The following CACNA2D1 variants were observed in gnomAD, a reference collection of about 807,000 sequenced individuals.
CACNA2D1 encodes voltage-dependent calcium channel subunit alpha-2/delta-1.
In CACNA2D1, 53 loss-of-function variants were observed where a neutral mutation model predicts 171.5. The ratio of observed to expected loss-of-function variants is 0.31; its 90% CI spans 0.25 to 0.39. The LOEUF is 0.39. Among genes scored for constraint, CACNA2D1 ranks in the 10% least tolerant of loss-of-function variants. The pLI is 1.00. For synonymous variants in CACNA2D1, 442 were observed against 443.1 expected, an observed-to-expected ratio of 1.00 and a Z score of 0.03; for missense variants, 903 against 1,299.8, an observed-to-expected ratio of 0.69 and a Z score of 4.69.
chr7:82,438,391 A>C (rs1272956131), intron 1 of CACNA2D1, among the ~76,000 whole-genome samples: 1 of 152,208 alleles, frequency 6.6e-6, no homozygotes, highest in Non-Finnish European at 1.5e-5. Context: ...ATAGTGACAC[A>C]AACTAGGAAA....
chr7:82,053,251 CAA>C (rs4019049), intron 10 of CACNA2D1, among the ~76,000 whole-genome samples: 2 of 115,802 alleles, frequency 1.7e-5, no homozygotes, highest in Admixed American at 9.4e-5. Context: ...GACTCCGTCT[CAA>C]AAAAAAAAAA....
intron 4 of CACNA2D1, among the ~76,000 whole-genome samples, chr7:82,147,699 C>G (rs996438): frequency 6.6e-6 from 1 of 151,886 alleles, no homozygotes; most frequent in Non-Finnish European, 1.5e-5. Context: ...AGCCCTTCCT[C>G]TCCAGATTAA....
chr7:81,997,334 A>C, intron 18 of CACNA2D1, 84 bp from the exon 19 acceptor site: 3 of 870,494 alleles, frequency 3.4e-6, no homozygotes, highest in Non-Finnish European at 5.9e-6. Context: ...GTATTTATGA[A>C]ATTGTGCAAA....
chr7:81,966,650 A>G (rs2130355248), intron 31 of CACNA2D1, among the ~76,000 whole-genome samples: 1 of 151,368 alleles, frequency 6.6e-6, no homozygotes, highest in Non-Finnish European at 1.5e-5. Context: ...TCCTTTTTCA[A>G]TTTCTCAAAC....
intron 3 of CACNA2D1, among the ~76,000 whole-genome samples, chr7:82,269,044 T>G (rs1428550753): frequency 1.3e-5 from 2 of 152,214 alleles, no homozygotes; most frequent in African/African-American, 4.8e-5. Context: ...TATGCAAACC[T>G]GAAACCTAGA....
intron 1 of CACNA2D1, among the ~76,000 whole-genome samples, chr7:82,360,450 T>C (rs1820967183): frequency 6.6e-6 from 1 of 152,138 alleles, no homozygotes; most frequent in Non-Finnish European, 1.5e-5. Context: ...CATCAGTATT[T>C]TCAAATTAAA....
intron 6 of CACNA2D1, among the ~76,000 whole-genome samples, chr7:82,094,282 T>A (rs555895187): frequency 5.8e-4 from 89 of 152,156 alleles, no homozygotes; most frequent in African/African-American, 2.1e-3. Context: ...GAACTACAGA[T>A]TAATACCGAA....
In CACNA2D1 at chr7:82,278,557, T is replaced by TAAAAAA. The variant is rs59630150; in HGVS notation, c.294+56572_294+56577dup. Among the ~76,000 whole-genome samples the TAAAAAA allele has an allele frequency of 1.7e-3, 185 of 107,758 alleles. 1 individual carries two copies. The highest frequency in any genetic ancestry group is 2.9e-3 in the Non-Finnish European group (157 of 53,864). The allele number at this position is 107,758 out of a possible 152,430, so 70.7% of individuals were successfully genotyped here. ...TGAGAGACAGAGTGAGACTCTGTCT[T>TAAAAAA]AAAAAAAAAAAAAAAAAAAAAAAAT... On this transcript the variant is annotated intron_variant, in intron 3 of 38. Transcript: ENST00000356860.
intron 26 of CACNA2D1, 98 bp from the exon 27 acceptor site, chr7:81,970,835 A>G (rs1252823781): frequency 1.3e-6 from 1 of 772,260 alleles, no homozygotes; most frequent in Non-Finnish European, 2.4e-6. Context: ...TTTAGGAAGT[A>G]AAGGAAATAT....
Position 82,418,950 on chromosome 7 carries a change from C to CA in CACNA2D1, c.95+24414dup, listed in dbSNP as rs557438408. On this transcript the variant is annotated intron_variant, in intron 1 of 38. Transcript: ENST00000356860. ...TGAAACCCCGTCTCTACTAAAAATA[C>CA]AAAAAAAAAATTAGCTGGGCGCGGT... Among the ~76,000 whole-genome samples, 361 of 148,210 alleles carry CA rather than the reference C, an allele frequency of 2.4e-3. 4 individuals carry two copies. Among genetic ancestry groups the CA allele is most frequent in the Middle Eastern group, 6.9e-3 (2 of 290 alleles).
At chr7:82,186,235 GAAGGAAGGAAGGAAGGAAGA>G (rs1314424136) in intron 3 of CACNA2D1, among the ~76,000 whole-genome samples, 1,222 of 95,758 alleles carry the variant, frequency 0.013, 16 homozygotes, top group Middle Eastern at 0.071. Context: ...GAGAGAGAAG[GAAGGAAGGAAGGAAGGAAGA>G]AAGGAAGGAA....
intron 3 of CACNA2D1, among the ~76,000 whole-genome samples, chr7:82,217,910 A>ATTATTTATTTAT (rs60997591): frequency 0.028 from 3,966 of 143,794 alleles, 140 homozygotes; most frequent in African/African-American, 0.081. Flanking sequence ...CCAAGACTAC[A>ATTATTTATTTAT]TTATTTATTT....
chr7:82,380,210 A>G (rs1263374998), intron 1 of CACNA2D1, among the ~76,000 whole-genome samples: 3 of 152,212 alleles, frequency 2.0e-5, no homozygotes, highest in Non-Finnish European at 4.4e-5. Context: ...AAAGAAGATG[A>G]TAAAATTAAA....
At chr7:82,332,536 A>AAGAAAGAAAG (rs1245895861) in intron 3 of CACNA2D1, among the ~76,000 whole-genome samples, 2 of 78,232 alleles carry the variant, frequency 2.6e-5, no homozygotes, top group Non-Finnish European at 7.2e-5. Flanking sequence ...GAAAGAAAGA[A>AAGAAAGAAAG]AGAAAGAAAG....
chr7:82,375,835 G>A (rs1423687570), intron 1 of CACNA2D1, among the ~76,000 whole-genome samples: 1 of 152,152 alleles, frequency 6.6e-6, no homozygotes, highest in Non-Finnish European at 1.5e-5. Context: ...TGTCTTTGAG[G>A]TCTCTAGGGT....
chr7:82,006,254 T>C (rs1799106602), intron 16 of CACNA2D1, among the ~76,000 whole-genome samples: 1 of 152,022 alleles, frequency 6.6e-6, no homozygotes, highest in South Asian at 2.1e-4. Context: ...GATTATACAA[T>C]ATAGAATAAG....
intron 1 of CACNA2D1, among the ~76,000 whole-genome samples, chr7:82,380,527 C>A (rs180923680): frequency 7.5e-4 from 114 of 151,964 alleles, no homozygotes; most frequent in African/African-American, 2.7e-3. Context: ...TAGAGACAGG[C>A]GGCAAGTGAG....
intron 3 of CACNA2D1, among the ~76,000 whole-genome samples, chr7:82,244,303 C>T (rs1804657845): frequency 6.6e-6 from 1 of 152,046 alleles, no homozygotes; most frequent in Non-Finnish European, 1.5e-5. Context: ...TTATCTAAAC[C>T]TACCCAGAAA....
At chr7:81,963,948 T>A (rs1411632492) in intron 34 of CACNA2D1, 108 bp downstream of exon 34, 6 of 853,526 alleles carry the variant, frequency 7.0e-6, no homozygotes, top group Non-Finnish European at 1.2e-5. Context: ...ACAACTTAAC[T>A]CCCTTAATAA....
Sources: gnomAD v4.1 joint callset for allele counts (sites outside exome capture counted in the v4.1 genomes callset) on GRCh38, gnomAD v4.1.1 for gene constraint, MANE v1.5 for transcripts, NCBI Gene and HGNC (gene_info 2026-07-23, HGNC 2026-07-21) for gene names.